ITGA11: variants seen among roughly 807,000 people sequenced by gnomAD.
ITGA11 encodes the protein integrin subunit alpha 11, also known as integrin alpha-11.
ITGA11 carries 97 observed loss-of-function variants against 141.9 expected under a neutral mutation model. That is an observed-to-expected ratio of 0.68 (90% CI 0.58 to 0.81). The LOEUF is 0.81. Ranked by LOEUF, ITGA11 falls within the 30% of genes least tolerant of loss-of-function variation. ITGA11 has a pLI of 0.00. For missense variants in ITGA11, 1,387 were observed against 1,559.2 expected, an observed-to-expected ratio of 0.89 and a Z score of 1.86; for synonymous variants, 658 against 624.6, an observed-to-expected ratio of 1.05 and a Z score of -0.80.
At chr15:68,354,187 T>C (rs763912886) in intron 7 of ITGA11, among the ~76,000 whole-genome samples, 8 of 152,124 alleles carry the variant, frequency 5.3e-5, no homozygotes, top group Non-Finnish European at 8.8e-5. Flanking sequence ...ATTTATTTAT[T>C]GTCTGCCCCT....
chr15:68,361,984 A>G (rs1452636387), intron 4 of ITGA11: 8 of 334,434 alleles, frequency 2.4e-5, no homozygotes, highest in Middle Eastern at 9.7e-4. Flanking sequence ...GGAATATGAT[A>G]CTTCTTCACC....
intron 3 of ITGA11, among the ~76,000 whole-genome samples, chr15:68,367,858 G>A (rs899826843): frequency 3.3e-5 from 5 of 152,220 alleles, no homozygotes; most frequent in African/African-American, 1.2e-4. Context: ...AATTTGTACA[G>A]CTGGAAGGGG....
At chr15:68,418,516 G>A (rs796298023) in intron 1 of ITGA11, among the ~76,000 whole-genome samples, 10 of 152,236 alleles carry the variant, frequency 6.6e-5, no homozygotes, top group African/African-American at 2.4e-4. Flanking sequence ...AAGTCCCTGT[G>A]TAGGATTTTT....
chr15:68,340,329 G>C (rs1894525491), intron 10 of ITGA11, among the ~76,000 whole-genome samples: 1 of 152,178 alleles, frequency 6.6e-6, no homozygotes, highest in African/African-American at 2.4e-5. Context: ...AAGTCTTCGA[G>C]GATGTCATGT....
intron 2 of ITGA11, among the ~76,000 whole-genome samples, chr15:68,385,213 C>G (rs1256116765): frequency 1.3e-5 from 2 of 152,250 alleles, no homozygotes; most frequent in African/African-American, 4.8e-5. Context: ...GGGAAGGGAG[C>G]TCAGTTCTGT....
chr15:68,352,413 G>T (rs1007594119), intron 7 of ITGA11, among the ~76,000 whole-genome samples: 2 of 151,940 alleles, frequency 1.3e-5, no homozygotes, highest in South Asian at 4.2e-4. Context: ...GTCTGGTCTC[G>T]AACTCCTGGC....
At position 68,308,761 on chromosome 15, in the gene ITGA11, G is replaced by GAAAAGACAAGA. The variant is rs111776164; in HGVS notation, c.3175-1066_3175-1065insTCTTGTCTTTT. ...TGTCTCAAAAGAAAAGAAAAGAAAA[G>GAAAAGACAAGA]AAAGAAAAGAAAAGAAAAGAAAAGG... On this transcript the variant is annotated intron_variant, in intron 26 of 29. Transcript: ENST00000315757. This position sits in a 1 kb window ranked among gnomAD's most constrained non-coding sequence, Gnocchi z 5.2. Among the ~76,000 whole-genome samples the GAAAAGACAAGA allele has an allele frequency of 7.3e-6, 1 of 137,670 alleles. No homozygotes were observed. Among genetic ancestry groups the GAAAAGACAAGA allele is most frequent in the South Asian group, 2.3e-4 (1 of 4,262 alleles). 90.3% of individuals were successfully genotyped at this position (137,670 alleles called of 152,430 possible). A position where few individuals can be genotyped will look rare whatever the true frequency, so the allele number is the denominator to read the frequency against.
In ITGA11 at chr15:68,432,128, G is replaced by T. The variant is rs534163375; in HGVS notation, c.-62C>A. ...GCGGCGGGGGGCGGCAAGCCAGAGCGGCAGCCTCCTCGGCGCGGCGCCTGC... is the reference window on the plus strand; with the variant it reads ...GCGGCGGGGGGCGGCAAGCCAGAGCTGCAGCCTCCTCGGCGCGGCGCCTGC... On this transcript the variant is annotated 5_prime_UTR_variant, in exon 1 of 30. Coordinates refer to ENST00000315757, the MANE Select transcript of ITGA11 (RefSeq NM_001004439.2). The T allele has an allele frequency of 2.4e-6, 3 of 1,248,662 alleles. No homozygotes were observed. The highest frequency in any genetic ancestry group is 4.1e-5 in the Admixed American group (1 of 24,100). The allele number at this position is 1,248,662 out of a possible 1,614,324, so 77.3% of individuals were successfully genotyped here.
chr15:68,395,981 C>T (rs1412502778), intron 2 of ITGA11, among the ~76,000 whole-genome samples: 2 of 151,898 alleles, frequency 1.3e-5, no homozygotes, highest in South Asian at 4.2e-4. Context: ...AGCAATAATA[C>T]AGATCTTATG....
At chr15:68,309,821 C>T (rs1007313238) in intron 26 of ITGA11, among the ~76,000 whole-genome samples, 46 of 152,222 alleles carry the variant, frequency 3.0e-4, no homozygotes, top group African/African-American at 1.1e-3. Flanking sequence ...GAGCTCCTGA[C>T]CTCAAGCTCC....
At chr15:68,406,110 C>T (rs1595894551) in intron 1 of ITGA11, among the ~76,000 whole-genome samples, 1 of 152,154 alleles carries the variant, frequency 6.6e-6, no homozygotes, top group Admixed American at 6.5e-5. Flanking sequence ...GGGTGAGGGC[C>T]AGTGAAGGTG....
At chr15:68,409,121 C>CTGT (rs75578705) in intron 1 of ITGA11, among the ~76,000 whole-genome samples, 20,920 of 152,144 alleles carry the variant, frequency 0.14, 1,836 homozygotes, top group Middle Eastern at 0.22. Flanking sequence ...TTTGCCCATG[C>CTGT]TGTTCACCAT....
intron 11 of ITGA11, among the ~76,000 whole-genome samples, chr15:68,338,848 C>T (rs2140313446): frequency 6.6e-6 from 1 of 152,320 alleles, no homozygotes; most frequent in African/African-American, 2.4e-5. Flanking sequence ...ACAGTGGGGA[C>T]CCTGAACATC....
At position 68,339,619 on chromosome 15, in the gene ITGA11, C is replaced by T. The variant is rs368295467; in HGVS notation, c.1157G>A (p.Gly386Asp). 7.8e-5 allele frequency: 126 copies of T among 1,613,898 alleles called. No homozygotes were observed. The highest frequency in any genetic ancestry group is 1.0e-4 in the Non-Finnish European group (123 of 1,179,906). ...VEDGVLLGAV[G>D]AYDWNGAVLK... is the part of the protein sequence containing the mutation. ...CACAGCTCCATTCCAGTCATAGGCA[C>T]CGACGGCTCCCAGCAGAACCCCATC... The change falls in exon 11 of 30, where the codon GGT becomes GAT. Residue 386 changes from glycine (G) to aspartate (D), a missense_variant. Coordinates refer to ENST00000315757, the MANE Select transcript of ITGA11 (RefSeq NM_001004439.2).
intron 13 of ITGA11, 88 bp downstream of exon 13, chr15:68,332,250 G>A: frequency 2.7e-6 from 4 of 1,459,440 alleles, no homozygotes; most frequent in Admixed American, 2.0e-5. Context: ...CACTGGCCTC[G>A]CTAGTAACGC....
At chr15:68,334,246 C>A (rs768519765) in intron 12 of ITGA11, among the ~76,000 whole-genome samples, 1 of 152,240 alleles carries the variant, frequency 6.6e-6, no homozygotes, top group Non-Finnish European at 1.5e-5. Context: ...AAGGGGAAGG[C>A]GCCCTGTTCG....
intron 2 of ITGA11, among the ~76,000 whole-genome samples, chr15:68,385,395 G>A (rs1456302662): frequency 6.6e-6 from 1 of 152,232 alleles, no homozygotes; most frequent in Non-Finnish European, 1.5e-5. Context: ...AAGTGGCAGT[G>A]CCAGAGGGCA....
In ITGA11 at chr15:68,311,013, A is replaced by G; in HGVS notation, c.3155T>C (p.Leu1052Ser). The change falls in exon 26 of 30, where the codon TTG (leucine) becomes TCG (serine). Residue 1052 changes from leucine (L) to serine (S), a missense_variant. Leu to Ser is a moderately radical substitution (Grantham distance 145, BLOSUM62 -2). Coordinates refer to ENST00000315757, the MANE Select transcript of ITGA11 (RefSeq NM_001004439.2). ...ACTCACCAGCTGTGGAGCACGACGC[A>G]AGTCTTCCTCCACTGGGGTGGGCCG... ...EYRPTPVEED[L>S]RRAPQLNHSN... 2 of 1,605,286 alleles carry G rather than the reference A, an allele frequency of 1.2e-6. No homozygotes were observed. The highest frequency in any genetic ancestry group is 1.1e-5 in the South Asian group (1 of 89,170).
chr15:68,406,611 G>C (rs1375253051), intron 1 of ITGA11, among the ~76,000 whole-genome samples: 1 of 152,088 alleles, frequency 6.6e-6, no homozygotes, highest in Admixed American at 6.5e-5. Flanking sequence ...TATGACATTT[G>C]TTTATTGTCA....
Sources: allele counts gnomAD v4.1 joint callset (sites outside exome capture counted in the v4.1 genomes callset), GRCh38; gene constraint gnomAD v4.1.1; non-coding constraint Gnocchi (gnomAD v3.1); transcripts MANE v1.5; gene names NCBI Gene and HGNC (gene_info 2026-07-23, HGNC 2026-07-21).